The following MS4A6E variants were observed in gnomAD, a reference collection of about 807,000 sequenced individuals.
MS4A6E encodes membrane spanning 4-domains A6E.
Under a neutral mutation model 13.2 loss-of-function variants are expected in MS4A6E, and 8 were observed. The ratio of observed to expected loss-of-function variants is 0.60; its 90% CI spans 0.35 to 1.09. MS4A6E has a LOEUF of 1.09. Among genes scored for constraint, MS4A6E ranks in the 50% least tolerant of loss-of-function variants. The pLI, the probability that MS4A6E is intolerant of heterozygous loss-of-function variation, is 0.02. For missense variants in MS4A6E, 177 were observed against 171.1 expected (o/e 1.03, Z -0.19); for synonymous variants, 72 against 67.6 (o/e 1.06, Z -0.32).
intron 1 of MS4A6E, among the ~76,000 whole-genome samples, chr11:60,330,395 G>A (rs999554442): frequency 1.5e-5 from 2 of 136,106 alleles, no homozygotes; most frequent in African/African-American, 5.7e-5. Context: ...AGGCTGGAGT[G>A]CAGTGGCGCG....
rs957838213 is a variant in MS4A6E, at chr11:60,327,264, T to G, written c.-159T>G. 1.3e-5 allele frequency among the ~76,000 whole-genome samples: 2 copies of G among 152,212 alleles called. No homozygotes were observed. Among genetic ancestry groups the G allele is most frequent in the African/African-American group, 4.8e-5 (2 of 41,458 alleles). ...ACAAGACATTTGGACTATTTCACCC[T>G]TCCATTCATTCCACCATGTGAGGAC... On this transcript the variant is annotated 5_prime_UTR_variant, in exon 1 of 5. Transcript: ENST00000684409.
At chr11:60,335,507 T>A (rs570748647) in intron 2 of MS4A6E, 8 of 447,750 alleles carry the variant, frequency 1.8e-5, no homozygotes, top group Non-Finnish European at 3.1e-5. Flanking sequence ...ACCTTTTATT[T>A]GTCTGTTTCT....
intron 3 of MS4A6E, among the ~76,000 whole-genome samples, chr11:60,338,357 G>T (rs1450841861): frequency 1.3e-5 from 2 of 152,024 alleles, no homozygotes; most frequent in African/African-American, 2.4e-5. Flanking sequence ...TGTGGTAGGG[G>T]GTCAGTTTGG....
At chr11:60,343,465 G>C (rs187309269), downstream of MS4A6E, among the ~76,000 whole-genome samples, 6 of 152,304 alleles carry the variant, frequency 3.9e-5, no homozygotes, top group African/African-American at 1.2e-4. Context: ...ATGTATAGTT[G>C]TGTTGCAAAT....
chr11:60,342,736 C>T (rs2135066547), downstream of MS4A6E, among the ~76,000 whole-genome samples: 1 of 152,298 alleles, frequency 6.6e-6, no homozygotes, highest in South Asian at 2.1e-4. Flanking sequence ...CCAGGTATCC[C>T]TTTTCTATTG....
At chr11:60,341,474 C>G (rs1194458549), downstream of MS4A6E, among the ~76,000 whole-genome samples, 1 of 152,088 alleles carries the variant, frequency 6.6e-6, no homozygotes, top group Non-Finnish European at 1.5e-5. Flanking sequence ...CAAATGCTAA[C>G]CAGGAATGCT....
chr11:60,334,733 T>C, intron 1 of MS4A6E, 149 bp from the exon 2 acceptor site: 1 of 787,498 alleles, frequency 1.3e-6, no homozygotes, highest in South Asian at 1.8e-5. Flanking sequence ...ACCAAGGTTG[T>C]GTGGCTTTCA....
downstream of MS4A6E, among the ~76,000 whole-genome samples, chr11:60,342,178 TGAGA>T (rs759102438): frequency 0.048 from 1,329 of 27,530 alleles, 16 homozygotes; most frequent in East Asian, 0.16. Flanking sequence ...TGTGTGTGTG[TGAGA>T]GAGAGAGAGA....
chr11:60,343,918 T>C (rs939581793), downstream of MS4A6E, among the ~76,000 whole-genome samples: 1 of 151,996 alleles, frequency 6.6e-6, no homozygotes, highest in African/African-American at 2.4e-5. Flanking sequence ...GAAAGAACAG[T>C]GTAGGGCCCT....
intron 2 of MS4A6E, among the ~76,000 whole-genome samples, chr11:60,335,245 A>T (rs1311883474): frequency 6.6e-6 from 1 of 152,184 alleles, no homozygotes; most frequent in Non-Finnish European, 1.5e-5. Flanking sequence ...CTTATTCTGA[A>T]TATGAGGAGT....
In MS4A6E at chr11:60,337,773, T is replaced by G; in HGVS notation, c.180T>G (p.Ser60Arg). ...VHSSLAGSIL[S>R]ALSALVGFIL... ...GCAGCCTGGCTGGAAGCATTCTGAG[T>G]GCTCTGTCTGCCCTGGTGGGTTTCA... The change falls in exon 3 of 5, where the codon AGT (serine) becomes AGG (arginine). Residue 60 changes from serine to arginine, a missense_variant. Coordinates refer to ENST00000684409, the MANE Select transcript of MS4A6E (RefSeq NM_139249.4). 1 of 1,614,212 alleles carries G rather than the reference T, an allele frequency of 6.2e-7. No homozygotes were observed. Among genetic ancestry groups the G allele is most frequent in the Non-Finnish European group, 8.5e-7 (1 of 1,180,046 alleles).
intron 4 of MS4A6E, among the ~76,000 whole-genome samples, chr11:60,348,114 C>T (rs1051438829): frequency 3.3e-5 from 5 of 152,102 alleles, no homozygotes; most frequent in East Asian, 1.9e-4. Flanking sequence ...TTCCTGCTAA[C>T]AGGACAGTCT....
intron 1 of MS4A6E, among the ~76,000 whole-genome samples, chr11:60,331,108 A>G (rs1367945962): frequency 1.3e-5 from 2 of 152,186 alleles, no homozygotes; most frequent in African/African-American, 4.8e-5. Flanking sequence ...AATATGTACA[A>G]TGAAATTTAT....
At chr11:60,330,883 C>T (rs952911476) in intron 1 of MS4A6E, among the ~76,000 whole-genome samples, 2 of 152,096 alleles carry the variant, frequency 1.3e-5, no homozygotes, top group African/African-American at 2.4e-5. Context: ...AACACTTTCC[C>T]GATTGCTTGT....
At chr11:60,345,653 C>G (rs1171030065), downstream of MS4A6E, among the ~76,000 whole-genome samples, 1 of 152,210 alleles carries the variant, frequency 6.6e-6, no homozygotes, top group East Asian at 1.9e-4. Context: ...GTGTTTAACT[C>G]AATTGTGGAA....
chr11:60,330,584 C>T (rs1158051831), intron 1 of MS4A6E, among the ~76,000 whole-genome samples: 2 of 151,888 alleles, frequency 1.3e-5, no homozygotes, highest in East Asian at 1.9e-4. Flanking sequence ...CGTGATCCGC[C>T]CACCTCGGCC....
intron 4 of MS4A6E, among the ~76,000 whole-genome samples, chr11:60,347,814 C>T (rs142748316): frequency 4.6e-5 from 7 of 152,228 alleles, no homozygotes; most frequent in African/African-American, 7.2e-5. Flanking sequence ...CCTAGTTCTC[C>T]GCTTCTGATT....
At chr11:60,343,093 G>A (rs2085238141), downstream of MS4A6E, among the ~76,000 whole-genome samples, 1 of 150,460 alleles carries the variant, frequency 6.6e-6, no homozygotes, top group African/African-American at 2.5e-5. Context: ...AGGCGTGTCC[G>A]TGTGTGGTTC....
At chr11:60,330,283 T>A (rs2085146176) in intron 1 of MS4A6E, among the ~76,000 whole-genome samples, 1 of 145,534 alleles carries the variant, frequency 6.9e-6, no homozygotes, top group Admixed American at 7.0e-5. Context: ...TAGTTTCTTT[T>A]GCTGTGTAGA....
Sources: allele counts gnomAD v4.1 joint callset (sites outside exome capture counted in the v4.1 genomes callset), GRCh38; gene constraint gnomAD v4.1.1; transcripts MANE v1.5; gene names NCBI Gene and HGNC (gene_info 2026-07-23, HGNC 2026-07-21).